Variants in GLT8D2 observed in about 807,000 individuals in gnomAD.
The protein encoded by GLT8D2 is glycosyltransferase 8 domain containing 2.
Under a neutral mutation model 44.5 loss-of-function variants are expected in GLT8D2, and 45 were observed. The ratio of observed to expected loss-of-function variants is 1.01; its 90% confidence interval spans 0.80 to 1.30. The LOEUF is 1.30. GLT8D2 is among the 50% of genes most tolerant of loss of function. The pLI, the probability that GLT8D2 is intolerant of heterozygous loss-of-function variation, is 0.00. For synonymous variants in GLT8D2, 156 were observed against 157.2 expected (o/e 0.99, Z 0.06); for missense variants, 400 against 430.4 (o/e 0.93, Z 0.62).
At chr12:103,997,595 G>C (rs749018510) in intron 6 of GLT8D2, 60 bp from the exon 7 acceptor site, 3 of 1,215,804 alleles carry the variant, frequency 2.5e-6, no homozygotes, top group African/African-American at 3.0e-5. Flanking sequence ...GTGTCTTCTG[G>C]GGGTACTGGA....
At chr12:104,021,867 A>AAAG (rs1175888989) in intron 1 of GLT8D2, among the ~76,000 whole-genome samples, 59 of 93,610 alleles carry the variant, frequency 6.3e-4, no homozygotes, top group African/African-American at 1.3e-3. Flanking sequence ...GGAGAAGAAG[A>AAAG]AAGAAGAAGA....
chr12:103,994,644 G>A (rs760902339), intron 8 of GLT8D2, 143 bp from the exon 9 acceptor site: 1 of 676,486 alleles, frequency 1.5e-6, no homozygotes, highest in Non-Finnish European at 2.4e-6. Flanking sequence ...TTTTTGTTTT[G>A]TTTTGCTGGT....
intron 2 of GLT8D2, among the ~76,000 whole-genome samples, chr12:104,019,905 T>A (rs1340190520): frequency 6.6e-6 from 1 of 152,170 alleles, no homozygotes; most frequent in Non-Finnish European, 1.5e-5. Context: ...AAAGCTAATC[T>A]TTTGTCTTCA....
chr12:103,996,293 TG>T lies in GLT8D2; in HGVS notation c.600+441del, dbSNP rs749547462. ...TCTACTGGAAGGGGGATAAAAGTGA[TG>T]GTCAAAACTCTGAAAATAGAACCAA... On this transcript the variant is annotated intron_variant, in intron 8 of 10. Transcript: ENST00000360814. Among the ~76,000 whole-genome samples, 59 of 152,312 alleles carry T rather than the reference TG, an allele frequency of 3.9e-4. 1 individual carries two copies. Among genetic ancestry groups the T allele is most frequent in the Non-Finnish European group, 3.7e-4 (25 of 68,030 alleles).
intron 1 of GLT8D2, among the ~76,000 whole-genome samples, chr12:104,023,138 T>C (rs1019631183): frequency 2.0e-5 from 3 of 152,190 alleles, no homozygotes; most frequent in Admixed American, 1.3e-4. Context: ...AAAATTGCTA[T>C]GCATCAGGGG....
chr12:104,014,485 G>T, intron 4 of GLT8D2: 2 of 570,428 alleles, frequency 3.5e-6, no homozygotes, highest in African/African-American at 3.7e-5. Flanking sequence ...AGGGAAACAT[G>T]GTTCTCAGTG....
At position 103,989,041 on chromosome 12, in the gene GLT8D2, T is replaced by C. The variant is rs762174344; in HGVS notation, c.*367A>G. ...CGTCCATATTTTAAATGTAATAGTT[T>C]TATAAAAGAAAAGGTTGGCAACCTG... is the stretch of plus-strand genomic sequence containing the variant. On this transcript the variant is annotated 3_prime_UTR_variant, in exon 11 of 11. Transcript: ENST00000360814. 1 of 157,364 alleles carries C rather than the reference T, an allele frequency of 6.4e-6. No individual in the cohort carries two copies. The highest frequency in any genetic ancestry group is 2.4e-5 in the African/African-American group (1 of 41,672). 9.7% of individuals were successfully genotyped at this position (157,364 alleles called of 1,614,324 possible). A position where few individuals can be genotyped will look rare whatever the true frequency, so the allele number is the denominator to read the frequency against.
chr12:104,056,562 G>A (rs1882198525), intron 1 of GLT8D2, among the ~76,000 whole-genome samples: 1 of 152,236 alleles, frequency 6.6e-6, no homozygotes, highest in African/African-American at 2.4e-5. Flanking sequence ...CTTATTAAAT[G>A]CTAACTACAT....
intron 8 of GLT8D2, among the ~76,000 whole-genome samples, chr12:103,995,181 T>C (rs910982871): frequency 1.3e-5 from 2 of 152,168 alleles, no homozygotes; most frequent in Non-Finnish European, 2.9e-5. Flanking sequence ...GTATCCTTGC[T>C]TCCACTATTT....
intron 4 of GLT8D2, among the ~76,000 whole-genome samples, chr12:104,007,540 T>G (rs1187779501): frequency 6.6e-6 from 1 of 152,176 alleles, no homozygotes; most frequent in Non-Finnish European, 1.5e-5. Context: ...TTTACTGACA[T>G]GAGAGAATGC....
intron 4 of GLT8D2, among the ~76,000 whole-genome samples, chr12:104,005,312 A>G (rs889628166): frequency 7.2e-5 from 11 of 152,376 alleles, no homozygotes; most frequent in Non-Finnish European, 1.0e-4. Flanking sequence ...CATTCAGGAC[A>G]TAGGCATGGG....
At chr12:104,038,909 A>G (rs928663322) in intron 1 of GLT8D2, among the ~76,000 whole-genome samples, 3 of 152,258 alleles carry the variant, frequency 2.0e-5, no homozygotes, top group Non-Finnish European at 4.4e-5. Context: ...AAAAGGCTAC[A>G]GTAACCAAAA....
intron 7 of GLT8D2, 54 bp downstream of exon 7, chr12:103,997,396 AT>A: frequency 8.2e-7 from 1 of 1,219,890 alleles, no homozygotes; most frequent in Admixed American, 1.7e-5. Context: ...AGAGACAGTT[AT>A]TCTACTTATC....
intron 4 of GLT8D2, 149 bp from the exon 5 acceptor site, chr12:104,003,455 TAGAAA>T: frequency 2.7e-6 from 2 of 733,478 alleles, no homozygotes; most frequent in South Asian, 3.7e-5. Context: ...TGTCTTCCCT[TAGAAA>T]AGAACTTTGG....
At chr12:104,058,682 C>A (rs1412465381) in intron 1 of GLT8D2, among the ~76,000 whole-genome samples, 2 of 152,066 alleles carry the variant, frequency 1.3e-5, no homozygotes, top group Non-Finnish European at 2.9e-5. Context: ...TGATCTTAAC[C>A]CCAAATGAAA....
intron 1 of GLT8D2, among the ~76,000 whole-genome samples, chr12:104,046,469 C>T (rs879802116): frequency 3.9e-5 from 6 of 152,194 alleles, no homozygotes; most frequent in Non-Finnish European, 8.8e-5. Context: ...ACGCAGGCAT[C>T]CTGGCTCTGA....
chr12:104,048,185 G>A (rs779397217), intron 1 of GLT8D2, among the ~76,000 whole-genome samples: 16 of 152,182 alleles, frequency 1.1e-4, no homozygotes, highest in Admixed American at 1.0e-3. Flanking sequence ...TGGAGAATAG[G>A]ATGTCCAAAA....
In GLT8D2 at chr12:104,024,032, C is replaced by T. The variant is rs557456035; in HGVS notation, c.-163-2541G>A. On this transcript the variant is annotated intron_variant, in intron 1 of 10. Transcript: ENST00000360814. The stretch of plus-strand genomic sequence containing the variant: ...TTTTTGTGTGAATAGAGGGTAACTA[C>T]CTAGAAGTGGTATTGCTGGGTCTTT... Among the ~76,000 whole-genome samples, 414 of 152,164 alleles carry T rather than the reference C, an allele frequency of 2.7e-3. 3 individuals carry two copies. The highest frequency in any genetic ancestry group is 6.8e-3 in the Middle Eastern group (2 of 294).
At chr12:104,036,467 T>C (rs929037312) in intron 1 of GLT8D2, among the ~76,000 whole-genome samples, 1 of 152,054 alleles carries the variant, frequency 6.6e-6, no homozygotes, top group African/African-American at 2.4e-5. Flanking sequence ...TGGAGGAAGA[T>C]CTACCAAGCA....
Sources: allele counts gnomAD v4.1 joint callset (sites outside exome capture counted in the v4.1 genomes callset), GRCh38; gene constraint gnomAD v4.1.1; transcripts MANE v1.5; gene names NCBI Gene and HGNC (gene_info 2026-07-23, HGNC 2026-07-21).